Variants in DLGAP1 observed in about 807,000 individuals in gnomAD.
DLGAP1 encodes DLG associated protein 1, also known as disks large-associated protein 1.
DLGAP1 carries 11 observed loss-of-function variants against 90.8 expected under a neutral mutation model. The ratio of observed to expected loss-of-function variants is 0.12; its 90% CI spans 0.08 to 0.20. The LOEUF is 0.20. Ranked by LOEUF, DLGAP1 falls within the 10% of genes least tolerant of loss-of-function variation. DLGAP1 has a pLI of 1.00. For missense variants in DLGAP1, 1,050 were observed against 1,333.8 expected, an observed-to-expected ratio of 0.79 and a Z score of 3.31; for synonymous variants, 558 against 540.7, an observed-to-expected ratio of 1.03 and a Z score of -0.44.
chr18:4,380,172 TGAG>T (rs1315853398), intron 1 of DLGAP1, among the ~76,000 whole-genome samples: 1 of 152,178 alleles, frequency 6.6e-6, no homozygotes, highest in Non-Finnish European at 1.5e-5. Flanking sequence ...ATTTTAATAA[TGAG>T]GAGTAATATC....
intron 1 of DLGAP1, among the ~76,000 whole-genome samples, chr18:4,233,555 G>C (rs372912969): frequency 1.3e-5 from 2 of 152,076 alleles, no homozygotes; most frequent in African/African-American, 2.4e-5. Context: ...GCCTGGTTAC[G>C]ATGTTGTATG....
intron 7 of DLGAP1, among the ~76,000 whole-genome samples, chr18:3,642,496 T>C (rs990455264): frequency 6.6e-6 from 1 of 152,194 alleles, no homozygotes; most frequent in South Asian, 2.1e-4. Context: ...GAGATAGGTA[T>C]ACTGAAAAGG....
chr18:4,342,017 A>T lies in DLGAP1; in HGVS notation c.-267+112989T>A, dbSNP rs1173723847. Among the ~76,000 whole-genome samples, 1 of 152,146 alleles carries T rather than the reference A, an allele frequency of 6.6e-6. No homozygotes were observed. Among genetic ancestry groups the T allele is most frequent in the East Asian group, 1.9e-4 (1 of 5,188 alleles). ...ATCCACAAGTAAAAATAAATAGCTG[A>T]ACCTGCCACACAAGATCATCTTCAG... On this transcript the variant is annotated intron_variant, in intron 1 of 12. Coordinates refer to ENST00000315677, the MANE Select transcript of DLGAP1 (RefSeq NM_004746.4). The surrounding 1 kb of genome is among the most constrained non-coding windows in gnomAD (Gnocchi z 5.8).
At chr18:3,709,733 C>T (rs754736161) in intron 7 of DLGAP1, among the ~76,000 whole-genome samples, 7 of 152,172 alleles carry the variant, frequency 4.6e-5, no homozygotes, top group Non-Finnish European at 8.8e-5. Context: ...CACGATTTCC[C>T]CCAGCCCTGC....
intron 1 of DLGAP1, among the ~76,000 whole-genome samples, chr18:4,226,775 C>T (rs763237861): frequency 2.1e-4 from 31 of 148,508 alleles, no homozygotes; most frequent in Non-Finnish European, 3.7e-4. Flanking sequence ...TAAAAGGAAG[C>T]CAGGAAGGAA....
chr18:3,623,459 G>A (rs2058173389), intron 7 of DLGAP1, among the ~76,000 whole-genome samples: 1 of 152,162 alleles, frequency 6.6e-6, no homozygotes, highest in South Asian at 2.1e-4. Flanking sequence ...TTCTGCTAAT[G>A]ACAACTCTTC....
intron 3 of DLGAP1, among the ~76,000 whole-genome samples, chr18:3,941,502 G>C (rs2072768378): frequency 6.6e-6 from 1 of 152,214 alleles, no homozygotes; most frequent in Admixed American, 6.5e-5. Context: ...GAATAGGCCA[G>C]AGGTTGATTC....
rs1240337656 is a variant in DLGAP1 at position 3,727,705 on chromosome 18, A to G, written c.1591+1430T>C. ...AATGCAAACACATACAAACATGCTCATGGTTGATTTTTCAAAAATATATAT... is the reference window on the plus strand; with the variant it reads ...AATGCAAACACATACAAACATGCTCGTGGTTGATTTTTCAAAAATATATAT... On this transcript the variant is annotated intron_variant, in intron 7 of 12. Transcript: ENST00000315677. This position sits in a 1 kb window ranked among gnomAD's most constrained non-coding sequence, Gnocchi z 4.7. 2.6e-5 allele frequency: 4 copies of G among 152,214 alleles called. No homozygotes were observed. The highest frequency in any genetic ancestry group is 5.9e-5 in the Non-Finnish European group (4 of 68,036). The allele number at this position is 152,214 out of a possible 1,614,324, so 9.4% of individuals were successfully genotyped here. A position where few individuals can be genotyped will look rare whatever the true frequency, so the allele number is the denominator to read the frequency against.
intron 10 of DLGAP1, among the ~76,000 whole-genome samples, chr18:3,513,369 G>C (rs1466132710): frequency 6.6e-6 from 1 of 152,188 alleles, no homozygotes; most frequent in Non-Finnish European, 1.5e-5. Context: ...CATGAACATG[G>C]GGTCCTATAG....
chr18:3,861,521 T>C (rs1249888389), intron 4 of DLGAP1, among the ~76,000 whole-genome samples: 1 of 152,178 alleles, frequency 6.6e-6, no homozygotes, highest in African/African-American at 2.4e-5. Context: ...TTTCAGGAGT[T>C]TGCTGATTGT....
At chr18:4,174,561 C>G (rs2077075470) in intron 1 of DLGAP1, among the ~76,000 whole-genome samples, 6 of 152,090 alleles carry the variant, frequency 3.9e-5, no homozygotes, top group Admixed American at 3.9e-4. Flanking sequence ...TCTTGAACTC[C>G]TGATCTCATG....
intron 9 of DLGAP1, among the ~76,000 whole-genome samples, chr18:3,553,535 T>C (rs2053591048): frequency 6.6e-6 from 1 of 152,114 alleles, no homozygotes; most frequent in Non-Finnish European, 1.5e-5. Flanking sequence ...GTTTTTTTGT[T>C]TTTTGTTTGT....
At chr18:3,969,088 C>T (rs2073390895) in intron 3 of DLGAP1, among the ~76,000 whole-genome samples, 1 of 151,834 alleles carries the variant, frequency 6.6e-6, no homozygotes, top group Non-Finnish European at 1.5e-5. Context: ...TACTATTTTC[C>T]TTAACAATAT....
chr18:3,803,529 C>T (rs895754867), intron 5 of DLGAP1, among the ~76,000 whole-genome samples: 4 of 152,170 alleles, frequency 2.6e-5, no homozygotes, highest in Non-Finnish European at 5.9e-5. Flanking sequence ...GTTCCGAGAG[C>T]TCTCAGCTCT....
chr18:3,663,186 G>A (rs1321868835), intron 7 of DLGAP1, among the ~76,000 whole-genome samples: 2 of 152,044 alleles, frequency 1.3e-5, no homozygotes, highest in Admixed American at 6.6e-5. Flanking sequence ...AAGGAGAAAT[G>A]CTTGAATCTG....
chr18:3,576,472 G>T (rs1334412158), intron 8 of DLGAP1, among the ~76,000 whole-genome samples: 3 of 151,848 alleles, frequency 2.0e-5, no homozygotes, highest in Admixed American at 6.6e-5. Context: ...TCTTGGCCAG[G>T]CTGGTATTGA....
intron 1 of DLGAP1, among the ~76,000 whole-genome samples, chr18:4,409,046 A>T (rs1176494083): frequency 6.6e-6 from 1 of 151,970 alleles, no homozygotes; most frequent in Non-Finnish European, 1.5e-5. Flanking sequence ...CCAAATGTCC[A>T]GCAATAGGTT....
chr18:3,854,201 G>GGT (rs1325630990), intron 4 of DLGAP1, among the ~76,000 whole-genome samples: 6 of 152,174 alleles, frequency 3.9e-5, no homozygotes, highest in Admixed American at 2.0e-4. Flanking sequence ...CTGGTTGAAT[G>GGT]ACTTTTCCTA....
chr18:3,973,074 A>G (rs9962207), intron 3 of DLGAP1, among the ~76,000 whole-genome samples: 59,794 of 151,716 alleles, frequency 0.39, 11,926 homozygotes, highest in Non-Finnish European at 0.42. Context: ...TCACTGTCCA[A>G]AGAAACTTAA....
Sources: allele counts gnomAD v4.1 joint callset (sites outside exome capture counted in the v4.1 genomes callset), GRCh38; gene constraint gnomAD v4.1.1; non-coding constraint Gnocchi (gnomAD v3.1); transcripts MANE v1.5; gene names NCBI Gene and HGNC (gene_info 2026-07-23, HGNC 2026-07-21).